PDE7B: variants seen among roughly 807,000 people sequenced by gnomAD.
PDE7B encodes phosphodiesterase 7B.
In PDE7B, 29 loss-of-function variants were observed where a neutral mutation model predicts 56.2. The observed-to-expected ratio is 0.52, with a 90% CI of 0.38 to 0.70. The LOEUF is 0.70. PDE7B is among the 30% of genes least tolerant of loss of function. The pLI is 0.00. For synonymous variants in PDE7B, 197 were observed against 196.9 expected (o/e 1.00, Z 0.00); for missense variants, 490 against 565.0 (o/e 0.87, Z 1.35).
At chr6:136,024,663 T>A (rs1474521856) in intron 2 of PDE7B, among the ~76,000 whole-genome samples, 1 of 152,186 alleles carries the variant, frequency 6.6e-6, no homozygotes, top group African/African-American at 2.4e-5. Context: ...TTGTTAGAGA[T>A]GCTTGTCATG....
intron 2 of PDE7B, among the ~76,000 whole-genome samples, chr6:136,007,829 T>C (rs1775815333): frequency 2.0e-5 from 3 of 151,766 alleles, no homozygotes; most frequent in Admixed American, 2.0e-4. Flanking sequence ...CTCTTTGTCA[T>C]TTCTTCTTTT....
At chr6:135,861,779 A>C (rs945723054) in intron 1 of PDE7B, among the ~76,000 whole-genome samples, 1 of 151,722 alleles carries the variant, frequency 6.6e-6, no homozygotes, top group Non-Finnish European at 1.5e-5. Flanking sequence ...CTATTTATTT[A>C]GGTGTTTGTT....
At chr6:135,997,319 G>T (rs1000749141) in intron 2 of PDE7B, among the ~76,000 whole-genome samples, 1 of 149,396 alleles carries the variant, frequency 6.7e-6, no homozygotes, top group East Asian at 2.0e-4. Context: ...GAGGCTGAGT[G>T]GGGAGGATAG....
intron 1 of PDE7B, among the ~76,000 whole-genome samples, chr6:135,935,194 ATATATATATATATATATATATATT>A (rs1774397929): frequency 1.3e-5 from 1 of 77,234 alleles, no homozygotes; most frequent in African/African-American, 7.4e-5. Context: ...ATTTATTTAT[ATATATATATATATATATATATATT>A]TTCATGATTC....
chr6:135,905,908 C>CAGA (rs528802550), intron 1 of PDE7B, among the ~76,000 whole-genome samples: 233 of 152,266 alleles, frequency 1.5e-3, no homozygotes, highest in African/African-American at 5.4e-3. Flanking sequence ...TGAGGAGAAG[C>CAGA]AGGACAGAAG....
chr6:135,881,149 C>T (rs1775602347), intron 1 of PDE7B, among the ~76,000 whole-genome samples: 1 of 151,894 alleles, frequency 6.6e-6, no homozygotes, highest in Non-Finnish European at 1.5e-5. Flanking sequence ...TATGAGGCTA[C>T]ATGGGAGCAT....
At chr6:135,869,720 A>T (rs1386782515) in intron 1 of PDE7B, among the ~76,000 whole-genome samples, 5 of 152,336 alleles carry the variant, frequency 3.3e-5, no homozygotes, top group Admixed American at 3.3e-4. Context: ...CCATAGCCAG[A>T]AGAGAGCCCA....
In PDE7B at chr6:136,192,850, C is replaced by T. The variant is rs1206740413; in HGVS notation, c.*1010C>T. ...TTCTGAAAGCTGCCCAACTTAAATC[C>T]TCATAGATGTCTTTCTCAACTGCCT... On this transcript the variant is annotated 3_prime_UTR_variant, in exon 13 of 13. Transcript: ENST00000308191. 2 of 152,386 alleles carry T rather than the reference C, an allele frequency of 1.3e-5. No homozygotes were observed. Among genetic ancestry groups the T allele is most frequent in the Admixed American group, 6.5e-5 (1 of 15,274 alleles). 9.4% of individuals were successfully genotyped at this position (152,386 alleles called of 1,614,324 possible).
At chr6:135,951,356 A>C (rs1002614567) in intron 2 of PDE7B, among the ~76,000 whole-genome samples, 2 of 152,146 alleles carry the variant, frequency 1.3e-5, no homozygotes, top group African/African-American at 4.8e-5. Context: ...TACTAAAAGA[A>C]AGAGGAAGTG....
intron 8 of PDE7B, among the ~76,000 whole-genome samples, chr6:136,157,469 T>C (rs931313975): frequency 1.3e-5 from 2 of 152,108 alleles, no homozygotes; most frequent in African/African-American, 4.8e-5. Flanking sequence ...TCCCAGCTAC[T>C]TGGGAGGCTG....
At chr6:136,118,114 T>C (rs930278430) in intron 3 of PDE7B, among the ~76,000 whole-genome samples, 2 of 152,194 alleles carry the variant, frequency 1.3e-5, no homozygotes, top group South Asian at 2.1e-4. Flanking sequence ...ATAAATACAG[T>C]TGAGTTTTGG....
At chr6:135,877,456 C>T (rs6570048) in intron 1 of PDE7B, among the ~76,000 whole-genome samples, 61,095 of 148,970 alleles carry the variant, frequency 0.41, 14,240 homozygotes, top group Non-Finnish European at 0.52. Flanking sequence ...TATTTGTTTC[C>T]TTTTTCCCAT....
At chr6:136,178,563 T>A (rs1232584450) in intron 9 of PDE7B, among the ~76,000 whole-genome samples, 1 of 152,188 alleles carries the variant, frequency 6.6e-6, no homozygotes, top group Non-Finnish European at 1.5e-5. Context: ...CATCCCATGG[T>A]ACCCTTTACT....
chr6:136,189,283 G>A (rs1227968684), intron 12 of PDE7B, among the ~76,000 whole-genome samples: 3 of 152,164 alleles, frequency 2.0e-5, no homozygotes, highest in African/African-American at 7.2e-5. Flanking sequence ...GAAGATATTA[G>A]CCAGGCGGGG....
chr6:136,108,322 A>C (rs1777685765), intron 2 of PDE7B, among the ~76,000 whole-genome samples: 1 of 152,128 alleles, frequency 6.6e-6, no homozygotes, highest in Non-Finnish European at 1.5e-5. Flanking sequence ...CCAGTCAGAA[A>C]ACAATTGTGT....
At chr6:135,994,945 T>A (rs192613865) in intron 2 of PDE7B, among the ~76,000 whole-genome samples, 1 of 152,328 alleles carries the variant, frequency 6.6e-6, no homozygotes, top group African/African-American at 2.4e-5. Flanking sequence ...GTTTTTATCT[T>A]TCCTCATGCT....
At chr6:136,090,020 G>T (rs532510738) in intron 2 of PDE7B, among the ~76,000 whole-genome samples, 2 of 152,238 alleles carry the variant, frequency 1.3e-5, no homozygotes, top group Non-Finnish European at 2.9e-5. Context: ...TAGCGATTGT[G>T]TAGGCCCTCT....
At chr6:135,945,553 C>G (rs1354657544) in intron 1 of PDE7B, among the ~76,000 whole-genome samples, 2 of 152,172 alleles carry the variant, frequency 1.3e-5, no homozygotes, top group Non-Finnish European at 2.9e-5. Context: ...CCTTTCTCCT[C>G]TCAACTTGCC....
intron 2 of PDE7B, among the ~76,000 whole-genome samples, chr6:136,024,285 A>G (rs1466393488): frequency 6.6e-6 from 1 of 152,238 alleles, no homozygotes; most frequent in Non-Finnish European, 1.5e-5. Context: ...AAGAAATGGC[A>G]GCAGATCAAT....
Sources: allele counts gnomAD v4.1 joint callset (sites outside exome capture counted in the v4.1 genomes callset), GRCh38; gene constraint gnomAD v4.1.1; transcripts MANE v1.5; gene names NCBI Gene and HGNC (gene_info 2026-07-23, HGNC 2026-07-21).